PIAS1: variants seen among roughly 807,000 people sequenced by gnomAD.
The protein encoded by PIAS1 is protein inhibitor of activated STAT 1.
A neutral mutation model predicts 71.3 loss-of-function variants in PIAS1; 6 were observed. That is an observed-to-expected ratio of 0.08 (90% CI 0.05 to 0.17). The LOEUF is 0.17. Ranked by LOEUF, PIAS1 falls within the 10% of genes least tolerant of loss-of-function variation. The pLI, the probability that PIAS1 is intolerant of heterozygous loss-of-function variation, is 1.00. For missense variants in PIAS1, 555 were observed against 793.6 expected (o/e 0.70, Z 3.61); for synonymous variants, 303 against 292.9 (o/e 1.03, Z -0.35).
intron 7 of PIAS1, among the ~76,000 whole-genome samples, chr15:68,156,580 G>A (rs149018657): frequency 1.3e-5 from 2 of 152,106 alleles, no homozygotes; most frequent in African/African-American, 2.4e-5. Flanking sequence ...ATGGTGGCAT[G>A]TGCCTGTAGT....
chr15:68,164,911 C>G (rs1010142751), intron 8 of PIAS1, 107 bp downstream of exon 8: 2 of 631,580 alleles, frequency 3.2e-6, no homozygotes, highest in African/African-American at 3.7e-5. Flanking sequence ...AAAATATGTC[C>G]ACCATTGTTA....
chr15:68,171,540 C>G lies in PIAS1; in HGVS notation c.1009-2192C>G, dbSNP rs2092991696. ...GTTGGGAGTACACAGAAGGGAGTTACCAGTTTTTACTCTAGGTCCCTCCAG... is the reference window on the plus strand; with the variant it reads ...GTTGGGAGTACACAGAAGGGAGTTAGCAGTTTTTACTCTAGGTCCCTCCAG... On this transcript the variant is annotated intron_variant, in intron 8 of 13. Transcript: ENST00000249636. The surrounding 1 kb of genome is among the most constrained non-coding windows in gnomAD (Gnocchi z 4.4). Among the ~76,000 whole-genome samples the G allele has an allele frequency of 6.6e-6, 1 of 152,038 alleles. No individual in the cohort carries two copies. The highest frequency in any genetic ancestry group is 2.4e-5 in the African/African-American group (1 of 41,378).
intron 1 of PIAS1, among the ~76,000 whole-genome samples, chr15:68,082,146 A>G (rs754042205): frequency 5.3e-5 from 8 of 152,198 alleles, no homozygotes; most frequent in Non-Finnish European, 8.8e-5. Flanking sequence ...CGTAAGGGTA[A>G]ATGAAGATTT....
At chr15:68,113,042 G>A (rs528967905) in intron 2 of PIAS1, among the ~76,000 whole-genome samples, 3 of 152,078 alleles carry the variant, frequency 2.0e-5, no homozygotes, top group Non-Finnish European at 4.4e-5. Context: ...GATGACATTG[G>A]TTTGTTTATT....
Position 68,088,728 on chromosome 15 carries a change from G to A in PIAS1, c.469+1978G>A, listed in dbSNP as rs111961510. On this transcript the variant is annotated intron_variant, in intron 2 of 13. Coordinates refer to ENST00000249636, the MANE Select transcript of PIAS1 (RefSeq NM_016166.3). Reference sequence around the variant, plus strand: ...ATTGAAAAAAGATTTTATGTAATTAGTCTTCAGGGTGTAGGATGAGTATAT... The same window carrying A: ...ATTGAAAAAAGATTTTATGTAATTAATCTTCAGGGTGTAGGATGAGTATAT... Among the ~76,000 whole-genome samples the A allele has an allele frequency of 1.2e-3, 190 of 152,246 alleles. 2 individuals carry two copies. The highest frequency in any genetic ancestry group is 1.7e-3 in the Non-Finnish European group (117 of 67,982).
chr15:68,085,951 A>T (rs896061289), intron 1 of PIAS1, among the ~76,000 whole-genome samples: 1 of 152,198 alleles, frequency 6.6e-6, no homozygotes, highest in Non-Finnish European at 1.5e-5. Flanking sequence ...ACGTTTTGCC[A>T]TCTACATAGC....
chr15:68,156,012 T>C (rs955818199), intron 7 of PIAS1, among the ~76,000 whole-genome samples: 13 of 152,230 alleles, frequency 8.5e-5, no homozygotes, highest in African/African-American at 2.9e-4. Flanking sequence ...TTGTGCCCAG[T>C]CCTCGCTTTA....
intron 2 of PIAS1, among the ~76,000 whole-genome samples, chr15:68,117,212 C>T (rs967579574): frequency 1.3e-5 from 2 of 152,062 alleles, no homozygotes; most frequent in South Asian, 2.1e-4. Flanking sequence ...CTCAGCCTCC[C>T]GAGTAGCTGG....
Position 68,176,548 on chromosome 15 carries a change from G to T in PIAS1, c.1375G>T (p.Val459Leu). Residue 459 changes from valine to leucine, a missense_variant, in exon 11 of 14, where the codon GTG becomes TTG. Coordinates refer to ENST00000249636, the MANE Select transcript of PIAS1 (RefSeq NM_016166.3). ...QSSNKNKKVE[V>L]IDLTIDSSSD... is the part of the protein sequence containing the mutation. ...CTCAAATAAAAACAAGAAAGTAGAAGTGATTGACCTAACCATAGACAGTTC... is the reference window on the plus strand; with the variant it reads ...CTCAAATAAAAACAAGAAAGTAGAATTGATTGACCTAACCATAGACAGTTC... 1 of 1,613,158 alleles carries T rather than the reference G, an allele frequency of 6.2e-7. No homozygotes were observed. Among genetic ancestry groups the T allele is most frequent in the Non-Finnish European group, 8.5e-7 (1 of 1,179,486 alleles).
chr15:68,077,789 A>G (rs1009736873), intron 1 of PIAS1, among the ~76,000 whole-genome samples: 4 of 152,134 alleles, frequency 2.6e-5, no homozygotes, highest in East Asian at 1.9e-4. Flanking sequence ...GAGCTCCACT[A>G]CTTGCTAGCT....
chr15:68,093,962 A>T (rs1187445404), intron 2 of PIAS1, among the ~76,000 whole-genome samples: 1 of 152,206 alleles, frequency 6.6e-6, no homozygotes, highest in Admixed American at 6.5e-5. Context: ...GAAGAATCTG[A>T]AACATTGAGA....
chr15:68,174,169 T>A lies in PIAS1; in HGVS notation c.1169+277T>A, dbSNP rs1250501673. Among the ~76,000 whole-genome samples the A allele has an allele frequency of 1.3e-5, 2 of 152,252 alleles. No individual in the cohort carries two copies. The highest frequency in any genetic ancestry group is 4.8e-5 in the African/African-American group (2 of 41,456). ...CTGGTGCTTTTAAGCAGGGTGTGCT[T>A]ATACCTTTTCCTTTTCCTGTCATTA... On this transcript the variant is annotated intron_variant, in intron 9 of 13. Coordinates refer to ENST00000249636, the MANE Select transcript of PIAS1 (RefSeq NM_016166.3). This position sits in a 1 kb window ranked among gnomAD's most constrained non-coding sequence, Gnocchi z 4.0.
chr15:68,156,634 G>C (rs1567068117), intron 7 of PIAS1, among the ~76,000 whole-genome samples: 1 of 151,412 alleles, frequency 6.6e-6, no homozygotes, highest in African/African-American at 2.4e-5. Flanking sequence ...GCTTGAACCC[G>C]GGAGGCAGAA....
chr15:68,097,670 T>C (rs1259838928), intron 2 of PIAS1, among the ~76,000 whole-genome samples: 1 of 152,182 alleles, frequency 6.6e-6, no homozygotes. Context: ...TGAGCTCAGG[T>C]GATCTACCTG....
intron 7 of PIAS1, among the ~76,000 whole-genome samples, chr15:68,158,777 A>C (rs1214834761): frequency 6.6e-6 from 1 of 152,196 alleles, no homozygotes; most frequent in Non-Finnish European, 1.5e-5. Flanking sequence ...AAATAACCTG[A>C]TATTAATGAA....
chr15:68,154,125 A>C (rs1386861897), intron 7 of PIAS1, among the ~76,000 whole-genome samples: 1 of 152,222 alleles, frequency 6.6e-6, no homozygotes, highest in Non-Finnish European at 1.5e-5. Flanking sequence ...AATCAATTAT[A>C]TGACTGTGGA....
At chr15:68,176,783 A>T (rs935980570) in intron 11 of PIAS1, 129 bp downstream of exon 11, 5 of 704,610 alleles carry the variant, frequency 7.1e-6, no homozygotes, top group East Asian at 5.6e-5. Context: ...AATAGTTTGA[A>T]TTTTTCCCAG....
chr15:68,086,519 G>T lies in PIAS1; in HGVS notation c.238G>T (p.Val80Leu), dbSNP rs200228138. 5 of 1,613,770 alleles carry T rather than the reference G, an allele frequency of 3.1e-6. No individual in the cohort carries two copies. The South Asian group carries it at 5.5e-5, about 18-fold the overall frequency. The change falls in exon 2 of 14, where the codon GTA becomes TTA. Residue 80 changes from valine (V) to leucine (L), a missense_variant. Physicochemically the swap from Val to Leu is conservative, Grantham distance 32 (BLOSUM62 1). Coordinates refer to ENST00000249636, the MANE Select transcript of PIAS1 (RefSeq NM_016166.3). This position sits in a 1 kb window ranked among gnomAD's most constrained non-coding sequence, Gnocchi z 7.2. The stretch of plus-strand genomic sequence containing the variant: ...GCCTGCAGACTTGTCCATCCCCAAC[G>T]TACATTCAAGTCCTATGCCAGCAAC... ...MTPADLSIPN[V>L]HSSPMPATLS...
intron 6 of PIAS1, 139 bp from the exon 7 acceptor site, chr15:68,153,451 A>G: frequency 1.9e-6 from 1 of 536,660 alleles, no homozygotes; most frequent in Non-Finnish European, 3.3e-6. Flanking sequence ...ATTACTGTTC[A>G]TGAAAACACC....
Sources: allele counts gnomAD v4.1 joint callset (sites outside exome capture counted in the v4.1 genomes callset), GRCh38; gene constraint gnomAD v4.1.1; non-coding constraint Gnocchi (gnomAD v3.1); transcripts MANE v1.5; gene names NCBI Gene and HGNC (gene_info 2026-07-23, HGNC 2026-07-21).